LHPP: variants seen among roughly 807,000 people sequenced by gnomAD.
LHPP encodes the protein hLHPP.
In LHPP, 24 loss-of-function variants were observed where a neutral mutation model predicts 30.3. That is an observed-to-expected ratio of 0.79 (90% confidence interval 0.57 to 1.11). The LOEUF (loss-of-function observed/expected upper bound fraction) is 1.11, where lower values mean the gene tolerates loss of function less well. Ranked by LOEUF, LHPP falls within the 50% of genes most tolerant of loss-of-function variation. LHPP has a pLI of 0.00. For synonymous variants in LHPP, 150 were observed against 157.1 expected (o/e 0.95, Z 0.34); for missense variants, 356 against 367.2 (o/e 0.97, Z 0.25).
chr10:124,605,907 G>A (rs959514684), intron 6 of LHPP, among the ~76,000 whole-genome samples: 3 of 152,108 alleles, frequency 2.0e-5, no homozygotes, highest in South Asian at 2.1e-4. Context: ...CAAGGGGCCC[G>A]GGTCACCCTG....
intron 5 of LHPP, among the ~76,000 whole-genome samples, chr10:124,513,993 C>G (rs566699234): frequency 6.6e-6 from 1 of 152,214 alleles, no homozygotes; most frequent in Admixed American, 6.5e-5. Flanking sequence ...ATGCAGAGCA[C>G]TCAGCTGCTC....
chr10:124,608,873 A>G (rs10901786), intron 6 of LHPP, among the ~76,000 whole-genome samples: 12,964 of 152,254 alleles, frequency 0.085, 646 homozygotes, highest in Admixed American at 0.15. Context: ...ATTCTGTACC[A>G]GGGCAGGGTG....
intron 5 of LHPP, chr10:124,498,393 C>T: frequency 6.5e-7 from 1 of 1,549,706 alleles, no homozygotes; most frequent in Non-Finnish European, 8.7e-7. Flanking sequence ...TGCTGCTTCT[C>T]TGAAAGGATA....
chr10:124,503,313 G>A (rs968445405), intron 5 of LHPP, among the ~76,000 whole-genome samples: 26 of 151,894 alleles, frequency 1.7e-4, no homozygotes, highest in Non-Finnish European at 2.6e-4. Flanking sequence ...TGATCCGCCC[G>A]CCTCGGCCTC....
In LHPP at chr10:124,581,867, C is replaced by T. The variant is rs578099852; in HGVS notation, c.717-31397C>T. Among the ~76,000 whole-genome samples the T allele has an allele frequency of 1.1e-4, 17 of 151,314 alleles. 1 individual carries two copies. Among genetic ancestry groups the T allele is most frequent in the East Asian group, 9.8e-4 (5 of 5,098 alleles). ...CACAATCTTGGCTTACTGCAAGCTC[C>T]GCCTCCTGGGTTCATGCCATTCTCC... is the stretch of plus-strand genomic sequence containing the variant. On this transcript the variant is annotated intron_variant, in intron 6 of 6. Transcript: ENST00000368842.
chr10:124,574,961 C>T (rs527934543), intron 6 of LHPP, among the ~76,000 whole-genome samples: 1 of 152,294 alleles, frequency 6.6e-6, no homozygotes, highest in South Asian at 2.1e-4. Context: ...CTGCCTCCTG[C>T]CGGGCCCTCC....
intron 6 of LHPP, chr10:124,553,830 C>G (rs1230879338): frequency 8.4e-6 from 8 of 953,486 alleles, no homozygotes; most frequent in East Asian, 1.2e-4. Context: ...AGACCTCCCC[C>G]GGGCCAGGCC....
chr10:124,545,687 T>G (rs1188222767), intron 6 of LHPP, among the ~76,000 whole-genome samples: 2 of 152,166 alleles, frequency 1.3e-5, no homozygotes, highest in African/African-American at 4.8e-5. Context: ...AATGTGAGTG[T>G]GTGTGCACGC....
In LHPP at chr10:124,496,153, G is replaced by A. The variant is rs894659349; in HGVS notation, c.468-808G>A. Among the ~76,000 whole-genome samples, 5 of 152,220 alleles carry A rather than the reference G, an allele frequency of 3.3e-5. No individual in the cohort carries two copies. Among genetic ancestry groups the A allele is most frequent in the Admixed American group, 1.3e-4 (2 of 15,290 alleles). ...GTATTCTTGGCTTTCAATGAACTGCGTCTTCAGAGCAGCGCAGGTTAAACC... is the reference window on the plus strand; with the variant it reads ...GTATTCTTGGCTTTCAATGAACTGCATCTTCAGAGCAGCGCAGGTTAAACC... On this transcript the variant is annotated intron_variant, in intron 3 of 6. Transcript: ENST00000368842. This position sits in a 1 kb window ranked among gnomAD's most constrained non-coding sequence, Gnocchi z 4.3.
intron 3 of LHPP, among the ~76,000 whole-genome samples, chr10:124,491,329 G>A (rs1487175019): frequency 6.6e-6 from 1 of 152,214 alleles, no homozygotes; most frequent in Non-Finnish European, 1.5e-5. Context: ...CACTGCCTCT[G>A]CTTGCTGTAC....
intron 1 of LHPP, among the ~76,000 whole-genome samples, chr10:124,469,302 C>T (rs929998895): frequency 1.3e-5 from 2 of 152,062 alleles, no homozygotes; most frequent in Middle Eastern, 3.2e-3. Context: ...CTGCGAGGGG[C>T]GACACACTGT....
At chr10:124,506,675 G>A (rs183418499) in intron 5 of LHPP, among the ~76,000 whole-genome samples, 58 of 116,772 alleles carry the variant, frequency 5.0e-4, no homozygotes, top group African/African-American at 1.6e-3. Context: ...TCAGGTTGGG[G>A]GGTAGGGAAG....
At chr10:124,519,138 G>C (rs1169272614) in intron 6 of LHPP, among the ~76,000 whole-genome samples, 1 of 152,072 alleles carries the variant, frequency 6.6e-6, no homozygotes, top group South Asian at 2.1e-4. Context: ...AGTGGAGACG[G>C]GGTTTCACCA....
intron 6 of LHPP, chr10:124,526,059 G>A: frequency 4.3e-6 from 2 of 466,498 alleles, no homozygotes; most frequent in Non-Finnish European, 5.6e-6. Flanking sequence ...TGCCTCTTGG[G>A]AACGTGCAGG....
intron 1 of LHPP, among the ~76,000 whole-genome samples, 159 bp downstream of exon 1, chr10:124,462,146 G>T (rs911791453): frequency 2.6e-5 from 4 of 152,118 alleles, no homozygotes; most frequent in African/African-American, 9.7e-5. Context: ...TGCTGACCAC[G>T]GACGACCCCA....
intron 1 of LHPP, among the ~76,000 whole-genome samples, chr10:124,481,117 G>GA (rs1347255596): frequency 6.6e-6 from 1 of 152,174 alleles, no homozygotes; most frequent in Non-Finnish European, 1.5e-5. Context: ...GACCCGAATA[G>GA]ATTCATCCCT....
At chr10:124,568,656 C>T (rs565172446) in intron 6 of LHPP, among the ~76,000 whole-genome samples, 1 of 152,294 alleles carries the variant, frequency 6.6e-6, no homozygotes, top group South Asian at 2.1e-4. Context: ...CATACAGGTC[C>T]TGTGGTGCAA....
chr10:124,499,654 T>A (rs983675730), intron 5 of LHPP, among the ~76,000 whole-genome samples: 7 of 151,728 alleles, frequency 4.6e-5, no homozygotes, highest in African/African-American at 1.7e-4. Context: ...GACTCCTTCT[T>A]TAAAAAAAAG....
chr10:124,528,714 A>G (rs1954807533), intron 6 of LHPP, among the ~76,000 whole-genome samples: 1 of 152,166 alleles, frequency 6.6e-6, no homozygotes, highest in South Asian at 2.1e-4. Context: ...AGGAGGCCCA[A>G]CCCTGTCCTC....
Sources: allele counts gnomAD v4.1 joint callset (sites outside exome capture counted in the v4.1 genomes callset), GRCh38; gene constraint gnomAD v4.1.1; non-coding constraint Gnocchi (gnomAD v3.1); transcripts MANE v1.5; gene names NCBI Gene and HGNC (gene_info 2026-07-23, HGNC 2026-07-21).